The following IGFN1 variants were observed in gnomAD, a reference collection of about 807,000 sequenced individuals.
IGFN1 encodes immunoglobulin like and fibronectin type III domain containing 1, also known as immunoglobulin-like and fibronectin type III domain-containing protein 1.
Under a neutral mutation model 289.5 loss-of-function variants are expected in IGFN1, and 253 were observed. That is an observed-to-expected ratio of 0.87 (90% CI 0.79 to 0.97). The LOEUF (loss-of-function observed/expected upper bound fraction) is 0.97, where lower values mean the gene tolerates loss of function less well. Ranked by LOEUF, IGFN1 falls within the 50% of genes least tolerant of loss-of-function variation. IGFN1 has a pLI of 0.00. For missense variants in IGFN1, 4,470 were observed against 4,686.1 expected (o/e 0.95, Z 1.35); for synonymous variants, 1,706 against 1,788.5 (o/e 0.95, Z 1.16).
intron 12 of IGFN1, among the ~76,000 whole-genome samples, chr1:201,213,902 GT>G (rs1196551584): frequency 1.3e-5 from 2 of 152,164 alleles, no homozygotes; most frequent in African/African-American, 4.8e-5. Context: ...CTCTCTGTGG[GT>G]TACCAGACTT....
chr1:201,204,900 G>A (rs753551170), intron 10 of IGFN1, among the ~76,000 whole-genome samples, 182 bp from the exon 11 acceptor site: 2 of 152,172 alleles, frequency 1.3e-5, no homozygotes, highest in African/African-American at 2.4e-5. Flanking sequence ...CATAACTGTA[G>A]CCCCTCATTT....
Position 201,200,828 on chromosome 1 carries a change from C to CTTTT in IGFN1, c.633+420_633+421insTTTT, listed in dbSNP as rs200585317. Reference sequence around the variant, plus strand: ...CGGGGGGGAGGTACCTGGTTTATTTCTTTCTTTTTTTTTTTTTTTTTAAGA... The same window carrying CTTTT: ...CGGGGGGGAGGTACCTGGTTTATTTCTTTTTTTCTTTTTTTTTTTTTTTTTAAGA... On this transcript the variant is annotated intron_variant, in intron 8 of 23. Coordinates refer to ENST00000335211, the MANE Select transcript of IGFN1 (RefSeq NM_001164586.2). Among the ~76,000 whole-genome samples the CTTTT allele has an allele frequency of 7.0e-5, 8 of 114,424 alleles. 1 individual carries two copies. The highest frequency in any genetic ancestry group is 1.1e-4 in the Non-Finnish European group (6 of 53,832). The allele number at this position is 114,424 out of a possible 152,430, so 75.1% of individuals were successfully genotyped here.
At chr1:201,203,696 GGACCCACT>G in intron 9 of IGFN1, 34 bp from the exon 10 acceptor site, 1 of 1,540,902 alleles carries the variant, frequency 6.5e-7, no homozygotes, top group African/African-American at 1.4e-5. Flanking sequence ...GAAGCACTGA[GGACCCACT>G]GAGGCCCGCC....
At chr1:201,204,440 G>T (rs186874281) in intron 10 of IGFN1, among the ~76,000 whole-genome samples, 4 of 152,322 alleles carry the variant, frequency 2.6e-5, no homozygotes, top group African/African-American at 9.6e-5. Context: ...GCCAGCTCAA[G>T]GGGGTTCTTG....
At chr1:201,199,502 G>T (rs149337698) in intron 6 of IGFN1, 107 bp from the exon 7 acceptor site, 8 of 1,409,280 alleles carry the variant, frequency 5.7e-6, no homozygotes, top group African/African-American at 2.9e-5. Flanking sequence ...CTTCAAGAGA[G>T]CCCCTTCCAA....
chr1:201,194,029 C>A (rs1020552818), intron 2 of IGFN1, 125 bp from the exon 3 acceptor site: 2 of 1,138,960 alleles, frequency 1.8e-6, no homozygotes, highest in African/African-American at 3.1e-5. Flanking sequence ...AATCCTGACC[C>A]AAAAGTAGGA....
At position 201,209,551 on chromosome 1, in the gene IGFN1, G is replaced by A; in HGVS notation, c.4658G>A (p.Gly1553Glu). 6.6e-7 allele frequency: 1 copy of A among 1,526,282 alleles called. No homozygotes were observed. Among genetic ancestry groups the A allele is most frequent in the Non-Finnish European group, 8.8e-7 (1 of 1,141,022 alleles). 94.5% of individuals were successfully genotyped at this position (1,526,282 alleles called of 1,614,324 possible). A position where few individuals can be genotyped will look rare whatever the true frequency, so the allele number is the denominator to read the frequency against. The change falls in exon 12 of 24, where the codon GGA (glycine) becomes GAA (glutamate). Residue 1553 changes from glycine (G) to glutamate (E), a missense_variant. Gly to Glu is a moderately conservative substitution (Grantham distance 98). Around this residue, in one of 8 missense-constraint regions of IGFN1, gnomAD observed 2,011 missense variants for 1,953.4 expected, o/e 1.03. Transcript: ENST00000335211. ...GSKAGFTDGL[G>E]GSEEMGSVNK... Reference sequence around the variant, plus strand: ...AAGGCAGGTTTTACGGATGGTTTAGGAGGTTCTGAAGAAATGGGGTCAGTG... The same window carrying A: ...AAGGCAGGTTTTACGGATGGTTTAGAAGGTTCTGAAGAAATGGGGTCAGTG...
intron 13 of IGFN1, 147 bp downstream of exon 13, chr1:201,214,448 A>G (rs1009887549): frequency 6.2e-6 from 5 of 800,168 alleles, no homozygotes; most frequent in Non-Finnish European, 9.5e-6. Flanking sequence ...TAAATAGCCA[A>G]TAACTTGGTG....
chr1:201,208,816 A>G lies in IGFN1; in HGVS notation c.3923A>G (p.Asp1308Gly), dbSNP rs866359946. 6.5e-7 allele frequency: 1 copy of G among 1,531,316 alleles called. No homozygotes were observed. The highest frequency in any genetic ancestry group is 1.4e-5 in the African/African-American group (1 of 71,426). The allele number at this position is 1,531,316 out of a possible 1,614,324, so 94.9% of individuals were successfully genotyped here. A position where few individuals can be genotyped will look rare whatever the true frequency, so the allele number is the denominator to read the frequency against. ...TCGGGGAGCAAGGCAGATTATAGGGATGGTGTAGGGGGTTCTGGGGCAATG... is the reference window on the plus strand; with the variant it reads ...TCGGGGAGCAAGGCAGATTATAGGGGTGGTGTAGGGGGTTCTGGGGCAATG... ...MGSGSKADYR[D>G]GVGGSGAMGS... is the part of the protein sequence containing the mutation. The change falls in exon 12 of 24, where the codon GAT becomes GGT. Residue 1308 changes from aspartate to glycine, a missense_variant. Asp to Gly is a moderately conservative substitution (Grantham distance 94). Transcript: ENST00000335211.
Position 201,215,748 on chromosome 1 carries a change from A to G in IGFN1, c.9205A>G (p.Ser3069Gly), listed in dbSNP as rs1343996155. ...GDGYTRLCLP[S>G]AGRKDCGQYS... ...TGGCTACACGCGGCTGTGCCTCCCC[A>G]GCGCAGGCAGGAAGGACTGTGGCCA... The change falls in exon 15 of 24, where the codon AGC becomes GGC. Residue 3069 changes from serine (S) to glycine (G), a missense_variant. Transcript: ENST00000335211. 6.2e-7 allele frequency: 1 copy of G among 1,609,814 alleles called. No individual in the cohort carries two copies. Among genetic ancestry groups the G allele is most frequent in the Admixed American group, 1.7e-5 (1 of 59,742 alleles).
At chr1:201,222,589 T>C in intron 19 of IGFN1, 150 bp from the exon 20 acceptor site, 1 of 562,464 alleles carries the variant, frequency 1.8e-6, no homozygotes, top group Non-Finnish European at 3.3e-6. Flanking sequence ...CCAGCTGTAC[T>C]CCAGTCCTTT....
chr1:201,210,553 A>C lies in IGFN1; in HGVS notation c.5660A>C (p.Glu1887Ala). 7.2e-7 allele frequency: 1 copy of C among 1,389,422 alleles called. No homozygotes were observed. The highest frequency in any genetic ancestry group is 9.4e-7 in the Non-Finnish European group (1 of 1,066,464). 86.1% of individuals were successfully genotyped at this position (1,389,422 alleles called of 1,614,324 possible). The change falls in exon 12 of 24, where the codon GAG (glutamate) becomes GCG (alanine). Residue 1887 changes from glutamate (E) to alanine (A), a missense_variant. This residue lies in a region of IGFN1 where 33 missense variants were observed against 259.7 expected (regional missense o/e 0.13). Coordinates refer to ENST00000335211, the MANE Select transcript of IGFN1 (RefSeq NM_001164586.2). The stretch of plus-strand genomic sequence containing the variant: ...TCTGGGGAAATGGGGTCAATGGATG[A>C]GGCAGGTTATAGGAAGGATTTGTGG... ...GSSGEMGSMD[E>A]AGYRKDLWAP...
chr1:201,204,042 AC>A (rs1667284361), intron 10 of IGFN1, 136 bp downstream of exon 10: 2 of 795,062 alleles, frequency 2.5e-6, no homozygotes, highest in Admixed American at 6.0e-5. Flanking sequence ...AGGGACACAT[AC>A]CTAGATGGCC....
rs117531385 is a variant in IGFN1, at chr1:201,215,516, T to C, written c.8996-23T>C. The C allele has an allele frequency of 3.7e-5, 56 of 1,533,276 alleles. No individual in the cohort carries two copies. In the East Asian group the frequency reaches 1.2e-3, roughly 34 times the overall value. The allele number at this position is 1,533,276 out of a possible 1,614,324, so 95.0% of individuals were successfully genotyped here. A position where few individuals can be genotyped will look rare whatever the true frequency, so the allele number is the denominator to read the frequency against. On this transcript the variant is annotated intron_variant, in intron 14 of 23. Coordinates refer to ENST00000335211, the MANE Select transcript of IGFN1 (RefSeq NM_001164586.2). The stretch of plus-strand genomic sequence containing the variant: ...AGGTGCCCAGTGCCCTGGTCTTCCT[T>C]GACTCTCTTGTTTTATTTCTAGATT...
chr1:201,215,475 C>T (rs1653164129), intron 14 of IGFN1, 64 bp from the exon 15 acceptor site: 6 of 1,420,336 alleles, frequency 4.2e-6, no homozygotes, highest in African/African-American at 1.4e-5. Flanking sequence ...TCTGGGTCCT[C>T]CTTTCTATAT....
rs1284203464 is a variant in IGFN1, at chr1:201,212,961, T to C, written c.8068T>C (p.Trp2690Arg). 6.4e-7 allele frequency: 1 copy of C among 1,551,444 alleles called. No homozygotes were observed. Among genetic ancestry groups the C allele is most frequent in the Admixed American group, 2.0e-5 (1 of 51,004 alleles). The change falls in exon 12 of 24, where the codon TGG becomes CGG. Residue 2690 changes from tryptophan (W) to arginine (R), a missense_variant. Physicochemically the swap from Trp to Arg is moderately radical, Grantham distance 101 (BLOSUM62 -3). Transcript: ENST00000335211. ...GGCGGCTGGTGGATGCCGAAGCCCA[T>C]GGTCCCTGGATAGCAAAGGTTCAAG... is the stretch of plus-strand genomic sequence containing the variant. ...QEAAGGCRSPWSLDSKGSSPG... is the reference protein window; with the variant it reads ...QEAAGGCRSPRSLDSKGSSPG...
chr1:201,207,679 G>T lies in IGFN1; in HGVS notation c.2786G>T (p.Ser929Ile), dbSNP rs2102336019. Residue 929 changes from serine (S) to isoleucine (I), a missense_variant, in exon 12 of 24, where the codon AGC becomes ATC. Transcript: ENST00000335211. The part of the protein sequence containing the change: ...SEPDFWNGSG[S>I]SRVKGPRGET... ...CCAGATTTCTGGAATGGGTCAGGGA[G>T]CTCCAGAGTAAAAGGACCCAGAGGT... The T allele has an allele frequency of 6.5e-7, 1 of 1,537,136 alleles. No homozygotes were observed. The highest frequency in any genetic ancestry group is 1.4e-5 in the African/African-American group (1 of 73,146).
chr1:201,199,542 A>ATGC, intron 6 of IGFN1, 67 bp from the exon 7 acceptor site: 2 of 1,487,744 alleles, frequency 1.3e-6, no homozygotes, highest in Non-Finnish European at 1.8e-6. Context: ...GACAACACAG[A>ATGC]AAAGCTCTGC....
chr1:201,197,273 C>A lies in IGFN1; in HGVS notation c.323C>A (p.Ala108Glu), dbSNP rs375449085. ...TDLYRCTAVN[A>E]YGEAACSVRL... ...CTGTACCGCTGCACAGCAGTAAATG[C>A]GTACGGAGAGGCCGCTTGCTCAGTG... is the stretch of plus-strand genomic sequence containing the variant. Residue 108 changes from alanine to glutamate, a missense_variant, in exon 5 of 24, where the codon GCG (alanine) becomes GAG (glutamate). By Grantham distance (107) the Ala-to-Glu change is moderately radical. This residue lies in a region of IGFN1 where 2,011 missense variants were observed against 1,953.4 expected (regional missense o/e 1.03). Transcript: ENST00000335211. 2 of 1,551,406 alleles carry A rather than the reference C, an allele frequency of 1.3e-6. No individual in the cohort carries two copies. Among genetic ancestry groups the A allele is most frequent in the South Asian group, 2.4e-5 (2 of 84,068 alleles).
Sources: allele counts gnomAD v4.1 joint callset (sites outside exome capture counted in the v4.1 genomes callset), GRCh38; gene constraint gnomAD v4.1.1; regional missense constraint gnomAD v4.1.1; transcripts MANE v1.5; gene names NCBI Gene and HGNC (gene_info 2026-07-23, HGNC 2026-07-21).